Variants in ATP6V0D2 observed in about 807,000 individuals in gnomAD.
ATP6V0D2 encodes V-type proton ATPase subunit d 2.
In ATP6V0D2, 40 loss-of-function variants were observed where a neutral mutation model predicts 40.0. That is an observed-to-expected ratio of 1.00 (90% confidence interval 0.78 to 1.30). The LOEUF (loss-of-function observed/expected upper bound fraction) is 1.30, where lower values mean the gene tolerates loss of function less well. ATP6V0D2 is among the 50% of genes most tolerant of loss of function. The pLI, the probability that ATP6V0D2 is intolerant of heterozygous loss-of-function variation, is 0.00. For synonymous variants in ATP6V0D2, 179 were observed against 156.3 expected (o/e 1.15, Z -1.08); for missense variants, 470 against 423.1 (o/e 1.11, Z -0.97).
chr8:86,100,196 G>T (rs1268993412), intron 1 of ATP6V0D2, among the ~76,000 whole-genome samples: 1 of 151,842 alleles, frequency 6.6e-6, no homozygotes, highest in Non-Finnish European at 1.5e-5. Context: ...TCAACAAGTG[G>T]AAATTGTCTC....
At position 86,118,022 on chromosome 8, in the gene ATP6V0D2, CTTTCTTTTT is replaced by C. The variant is rs1408370494; in HGVS notation, c.302+4146_302+4154del. 7.2e-4 allele frequency among the ~76,000 whole-genome samples: 90 copies of C among 124,426 alleles called. 1 individual carries two copies. The highest frequency in any genetic ancestry group is 4.7e-3 in the African/African-American group (88 of 18,796). The allele number at this position is 124,426 out of a possible 152,430, so 81.6% of individuals were successfully genotyped here. A position where few individuals can be genotyped will look rare whatever the true frequency, so the allele number is the denominator to read the frequency against. The stretch of plus-strand genomic sequence containing the variant: ...CTTTGTTTTCTTTCTTTCTTTCTTT[CTTTCTTTTT>C]TTTTCTTTCTTTCTTCTTTCTTTTT... On this transcript the variant is annotated intron_variant, in intron 2 of 7. Coordinates refer to ENST00000285393, the MANE Select transcript of ATP6V0D2 (RefSeq NM_152565.1).
rs561299035 is a variant in ATP6V0D2 at position 86,137,644 on chromosome 8, T to A, written c.303-1813T>A. ...TAAAACATCTGCACCCATTGCAACCTCCTCTTCCCCTAATGCTCTCATCTC... is the reference window on the plus strand; with the variant it reads ...TAAAACATCTGCACCCATTGCAACCACCTCTTCCCCTAATGCTCTCATCTC... On this transcript the variant is annotated intron_variant, in intron 2 of 7. Transcript: ENST00000285393. Among the ~76,000 whole-genome samples the A allele has an allele frequency of 2.0e-5, 3 of 152,254 alleles. No individual in the cohort carries two copies. The South Asian group carries it at 6.2e-4, about 32-fold the overall frequency.
intron 1 of ATP6V0D2, among the ~76,000 whole-genome samples, chr8:86,101,837 T>G (rs1269364553): frequency 1.3e-5 from 2 of 152,110 alleles, no homozygotes; most frequent in African/African-American, 4.8e-5. Context: ...TTATTGTCAT[T>G]GTGTCTCATG....
At chr8:86,105,134 T>C (rs1310919872) in intron 1 of ATP6V0D2, among the ~76,000 whole-genome samples, 1 of 152,092 alleles carries the variant, frequency 6.6e-6, no homozygotes, top group African/African-American at 2.4e-5. Flanking sequence ...AGCTCCACGG[T>C]ACCTTGTAAT....
At chr8:86,143,084 T>A in intron 5 of ATP6V0D2, 130 bp downstream of exon 5, 1 of 574,534 alleles carries the variant, frequency 1.7e-6, no homozygotes, top group Admixed American at 2.9e-5. Flanking sequence ...CAGTACATTT[T>A]ATTATACATA....
intron 4 of ATP6V0D2, among the ~76,000 whole-genome samples, chr8:86,142,577 C>T (rs1160432636): frequency 6.6e-6 from 1 of 152,170 alleles, no homozygotes; most frequent in African/African-American, 2.4e-5. Context: ...ACTTGGCACT[C>T]TTGTTAAAAT....
At position 86,150,274 on chromosome 8, in the gene ATP6V0D2, G is replaced by A. The variant is rs1819126558; in HGVS notation, c.802G>A (p.Ala268Thr). ...AEDFDQMKNV[A>T]DHYGVYKPLF... ...AGACTTTGACCAGATGAAGAACGTA[G>A]CGGATCATTACGGAGTATGTGATGA... The change falls in exon 6 of 8, where the codon GCG (alanine) becomes ACG (threonine). Residue 268 changes from alanine to threonine, a missense_variant. Transcript: ENST00000285393. 6.2e-7 allele frequency: 1 copy of A among 1,613,272 alleles called. No homozygotes were observed. Among genetic ancestry groups the A allele is most frequent in the Non-Finnish European group, 8.5e-7 (1 of 1,179,886 alleles).
chr8:86,113,777 GT>G lies in ATP6V0D2; in HGVS notation c.202del (p.Ser68ProfsTer7), dbSNP rs760258989. ...FLANHTNPLT[V>X]SKIDTEMRKR... Reference sequence around the variant, plus strand: ...GGCTAATCACACAAATCCTCTTACTGTTTCCAAAATTGACACTGAGATGAGG... The same window carrying G: ...GGCTAATCACACAAATCCTCTTACTGTTCCAAAATTGACACTGAGATGAGG... On this transcript the variant is annotated frameshift_variant, in exon 2 of 8. Coordinates refer to ENST00000285393, the MANE Select transcript of ATP6V0D2 (RefSeq NM_152565.1). LOFTEE classifies it high-confidence loss of function. 6.2e-7 allele frequency: 1 copy of G among 1,613,718 alleles called. No individual in the cohort carries two copies. The highest frequency in any genetic ancestry group is 8.5e-7 in the Non-Finnish European group (1 of 1,179,858).
At chr8:86,122,314 G>A (rs1388875603) in intron 2 of ATP6V0D2, among the ~76,000 whole-genome samples, 1 of 152,166 alleles carries the variant, frequency 6.6e-6, no homozygotes, top group African/African-American at 2.4e-5. Flanking sequence ...CTAATTCTCA[G>A]TTTACTAAGA....
chr8:86,148,920 C>T (rs1819105089), intron 5 of ATP6V0D2, among the ~76,000 whole-genome samples: 1 of 151,588 alleles, frequency 6.6e-6, no homozygotes, highest in Admixed American at 6.6e-5. Context: ...AGAAAAATTA[C>T]CTGGGCATGG....
At chr8:86,100,215 ATT>A (rs113388826) in intron 1 of ATP6V0D2, among the ~76,000 whole-genome samples, 1 of 147,904 alleles carries the variant, frequency 6.8e-6, no homozygotes, top group Admixed American at 6.7e-5. Context: ...TCTAAACCAC[ATT>A]TTTTTTTTCA....
chr8:86,146,267 G>A (rs991448486), intron 5 of ATP6V0D2, among the ~76,000 whole-genome samples: 1 of 152,094 alleles, frequency 6.6e-6, no homozygotes, highest in Non-Finnish European at 1.5e-5. Context: ...TGTAAAAAAA[G>A]GATAGTATCA....
chr8:86,127,962 A>C (rs1352778275), intron 2 of ATP6V0D2, among the ~76,000 whole-genome samples: 2 of 152,140 alleles, frequency 1.3e-5, no homozygotes, highest in African/African-American at 4.8e-5. Context: ...CATGCCTGTA[A>C]TCTCAGCACT....
At position 86,113,696 on chromosome 8, in the gene ATP6V0D2, C is replaced by T. The variant is rs117082993; in HGVS notation, c.131-13C>T. The T allele has an allele frequency of 0.042, 66,201 of 1,579,576 alleles. 1,669 individuals carry two copies. The highest frequency in any genetic ancestry group is 0.05 in the Non-Finnish European group (58,475 of 1,162,152). ...CAAAATTTAACCTGAATTGGGGTTT[C>T]ATTTAATTTCAGACCTGAAAATTCA... On this transcript the variant is annotated splice_polypyrimidine_tract_variant and intron_variant, in intron 1 of 7. Coordinates refer to ENST00000285393, the MANE Select transcript of ATP6V0D2 (RefSeq NM_152565.1).
At chr8:86,116,029 A>G (rs7002473) in intron 2 of ATP6V0D2, among the ~76,000 whole-genome samples, 50,434 of 152,040 alleles carry the variant, frequency 0.33, 8,957 homozygotes, top group African/African-American at 0.46. Context: ...TTCACATCGC[A>G]TCATACAATC....
At chr8:86,106,936 C>T (rs570934647) in intron 1 of ATP6V0D2, among the ~76,000 whole-genome samples, 23 of 151,624 alleles carry the variant, frequency 1.5e-4, no homozygotes, top group African/African-American at 2.4e-4. Context: ...TTTGGGAGGC[C>T]GAGGCAAGAG....
At chr8:86,104,284 C>T (rs1381326435) in intron 1 of ATP6V0D2, among the ~76,000 whole-genome samples, 2 of 152,144 alleles carry the variant, frequency 1.3e-5, no homozygotes, top group Non-Finnish European at 2.9e-5. Flanking sequence ...AAGCAATCCT[C>T]CCACCTTGGC....
At chr8:86,117,448 T>A (rs999343054) in intron 2 of ATP6V0D2, among the ~76,000 whole-genome samples, 23 of 152,316 alleles carry the variant, frequency 1.5e-4, no homozygotes, top group Middle Eastern at 3.4e-3. Context: ...CTACTCCATT[T>A]CTGTAAGTAA....
At chr8:86,145,285 GAAA>G (rs1819044372) in intron 5 of ATP6V0D2, among the ~76,000 whole-genome samples, 1 of 80,014 alleles carries the variant, frequency 1.2e-5, no homozygotes, top group Admixed American at 1.4e-4. Context: ...AAGAAAGAAA[GAAA>G]GAAAGAAAGA....
Sources: gnomAD v4.1 joint callset for allele counts (sites outside exome capture counted in the v4.1 genomes callset) on GRCh38, gnomAD v4.1.1 for gene constraint, MANE v1.5 for transcripts, NCBI Gene and HGNC (gene_info 2026-07-23, HGNC 2026-07-21) for gene names.